The following NPAS3 variants were observed in gnomAD, a reference collection of about 807,000 sequenced individuals.
The protein encoded by NPAS3 is neuronal PAS domain protein 3, also known as neuronal PAS domain-containing protein 3.
A neutral mutation model predicts 73.1 loss-of-function variants in NPAS3; 14 were observed. That is an observed-to-expected ratio of 0.19 (90% confidence interval 0.13 to 0.30). The LOEUF is 0.30. Among genes scored for constraint, NPAS3 ranks in the 10% least tolerant of loss-of-function variants. The probability of loss-of-function intolerance (pLI) is 1.00; values close to 1 mark genes in which losing one functional copy is unlikely to be tolerated. For synonymous variants in NPAS3, 620 were observed against 541.5 expected, an observed-to-expected ratio of 1.14 and a Z score of -2.01; for missense variants, 1,096 against 1,250.0, an observed-to-expected ratio of 0.88 and a Z score of 1.86.
chr14:33,342,371 G>A (rs559792717), intron 3 of NPAS3, among the ~76,000 whole-genome samples: 2 of 152,330 alleles, frequency 1.3e-5, no homozygotes, highest in Admixed American at 1.3e-4. Context: ...TACATCGGTG[G>A]CCACAGAATG....
At chr14:33,254,381 C>T (rs1471994668) in intron 3 of NPAS3, among the ~76,000 whole-genome samples, 1 of 152,072 alleles carries the variant, frequency 6.6e-6, no homozygotes, top group African/African-American at 2.4e-5. Context: ...CTTGGGTTTC[C>T]AGTGTCCACT....
At chr14:33,658,394 GTCTGTT>G (rs1404631325) in intron 5 of NPAS3, among the ~76,000 whole-genome samples, 12 of 152,152 alleles carry the variant, frequency 7.9e-5, no homozygotes, top group African/African-American at 2.9e-4. Context: ...AACTTAGTTG[GTCTGTT>G]TCTATCTTTT....
At chr14:33,630,434 C>G (rs1211631232) in intron 5 of NPAS3, among the ~76,000 whole-genome samples, 1 of 152,158 alleles carries the variant, frequency 6.6e-6, no homozygotes, top group African/African-American at 2.4e-5. Context: ...TTAATTATCC[C>G]ACTGAGATGT....
rs372036692 is a variant in NPAS3, at chr14:33,249,246, G to A, written c.385+33820G>A. ...TTACTTTTTGCCTTTTTTCCAAAGC[G>A]AAGTCAATAGTCAAAATTATTTCAA... On this transcript the variant is annotated intron_variant, in intron 3 of 11. Transcript: ENST00000356141. Among the ~76,000 whole-genome samples the A allele has an allele frequency of 5.9e-5, 9 of 152,156 alleles. 1 individual carries two copies. Among genetic ancestry groups the A allele is most frequent in the Middle Eastern group, 3.4e-3 (1 of 294 alleles).
At chr14:33,408,517 C>T (rs2047769293) in intron 4 of NPAS3, among the ~76,000 whole-genome samples, 1 of 152,106 alleles carries the variant, frequency 6.6e-6, no homozygotes, top group South Asian at 2.1e-4. Context: ...ATCTGGAGGC[C>T]ATTGGCCACC....
chr14:33,229,000 A>G (rs2047742362), intron 3 of NPAS3, among the ~76,000 whole-genome samples: 1 of 152,148 alleles, frequency 6.6e-6, no homozygotes, highest in Non-Finnish European at 1.5e-5. Context: ...GTGTTGGGGA[A>G]TTTATTATGC....
At position 33,800,073 on chromosome 14, in the gene NPAS3, C is replaced by A. The variant is rs770665316; in HGVS notation, c.1766C>A (p.Ala589Glu). 1.3e-6 allele frequency: 2 copies of A among 1,599,076 alleles called. No homozygotes were observed. Among genetic ancestry groups the A allele is most frequent in the East Asian group, 2.2e-5 (1 of 44,554 alleles). Residue 589 changes from alanine to glutamate, a missense_variant, in exon 12 of 12, where the codon GCG becomes GAG. By Grantham distance (107) the Ala-to-Glu change is moderately radical. Transcript: ENST00000356141. The surrounding 1 kb of genome is among the most constrained non-coding windows in gnomAD (Gnocchi z 6.5). ...AAGGACTCGGACAGCGCAGGCGAGGCGGGCGCGCAGGCCTCCAGCAAGCAC... is the reference window on the plus strand; with the variant it reads ...AAGGACTCGGACAGCGCAGGCGAGGAGGGCGCGCAGGCCTCCAGCAAGCAC...
rs1403879984 is a variant in NPAS3, at chr14:33,598,930, T to G, written c.558+38720T>G. Among the ~76,000 whole-genome samples, 3 of 152,238 alleles carry G rather than the reference T, an allele frequency of 2.0e-5. No homozygotes were observed. The East Asian group carries it at 5.8e-4, about 29-fold the overall frequency. The stretch of plus-strand genomic sequence containing the variant: ...AACATTTTATAGTTTGGCTTTAAAA[T>G]AAAGGCTATTTTATATACACTGCAA... On this transcript the variant is annotated intron_variant, in intron 5 of 11. Transcript: ENST00000356141.
chr14:33,761,834 A>G (rs941222126), intron 7 of NPAS3, among the ~76,000 whole-genome samples: 1 of 152,224 alleles, frequency 6.6e-6, no homozygotes, highest in African/African-American at 2.4e-5. Context: ...TTCATTCCAC[A>G]TAGAAGATCC....
intron 1 of NPAS3, among the ~76,000 whole-genome samples, chr14:33,027,467 G>C (rs2039847537): frequency 6.6e-6 from 1 of 151,878 alleles, no homozygotes; most frequent in Non-Finnish European, 1.5e-5. Context: ...TTTTTTAAAG[G>C]TTCATTTACT....
At chr14:33,055,202 G>A (rs996472064) in intron 1 of NPAS3, among the ~76,000 whole-genome samples, 32 of 152,224 alleles carry the variant, frequency 2.1e-4, no homozygotes, top group African/African-American at 7.2e-4. Context: ...TCTATATAAT[G>A]CAAGGAGTCT....
intron 3 of NPAS3, among the ~76,000 whole-genome samples, chr14:33,340,261 G>A (rs1219281305): frequency 1.3e-5 from 2 of 152,198 alleles, no homozygotes; most frequent in Non-Finnish European, 2.9e-5. Context: ...TCGGGAGGCC[G>A]AGGCAGGTGG....
At chr14:33,462,506 C>T (rs894980591) in intron 4 of NPAS3, among the ~76,000 whole-genome samples, 3 of 152,136 alleles carry the variant, frequency 2.0e-5, no homozygotes, top group African/African-American at 4.8e-5. Flanking sequence ...ATGACATAGA[C>T]GGCGACTGTT....
intron 7 of NPAS3, among the ~76,000 whole-genome samples, chr14:33,742,760 T>C (rs554051655): frequency 6.6e-6 from 1 of 152,372 alleles, no homozygotes; most frequent in South Asian, 2.1e-4. Flanking sequence ...AGTAGAACTT[T>C]CAAAACTGAA....
intron 1 of NPAS3, among the ~76,000 whole-genome samples, chr14:33,049,038 G>A (rs2138475260): frequency 6.6e-6 from 1 of 152,270 alleles, no homozygotes; most frequent in Middle Eastern, 3.4e-3. Context: ...CTGTGATTAG[G>A]AGCTTTCTAT....
At chr14:32,953,333 T>G (rs929232541) in intron 1 of NPAS3, among the ~76,000 whole-genome samples, 1 of 152,076 alleles carries the variant, frequency 6.6e-6, no homozygotes, top group Non-Finnish European at 1.5e-5. Context: ...ATTTACTAAG[T>G]GTTGTTTCAA....
At chr14:33,167,091 A>G (rs2045188906) in intron 2 of NPAS3, among the ~76,000 whole-genome samples, 1 of 151,692 alleles carries the variant, frequency 6.6e-6, no homozygotes, top group South Asian at 2.1e-4. Flanking sequence ...AGCCTCTTAG[A>G]AGAATAGAAT....
intron 2 of NPAS3, among the ~76,000 whole-genome samples, chr14:33,144,126 G>A (rs1201215987): frequency 6.6e-6 from 1 of 152,078 alleles, no homozygotes; most frequent in African/African-American, 2.4e-5. Context: ...AGTTTTTGAG[G>A]AACAGCCAAA....
At chr14:33,061,456 G>A (rs754798700) in intron 2 of NPAS3, among the ~76,000 whole-genome samples, 17 of 152,166 alleles carry the variant, frequency 1.1e-4, no homozygotes, top group African/African-American at 2.9e-4. Flanking sequence ...CAAGCCTTTC[G>A]ATATCCAAAT....
Sources: gnomAD v4.1 joint callset for allele counts (sites outside exome capture counted in the v4.1 genomes callset) on GRCh38, gnomAD v4.1.1 for gene constraint, Gnocchi (gnomAD v3.1) non-coding constraint, MANE v1.5 for transcripts, NCBI Gene and HGNC (gene_info 2026-07-23, HGNC 2026-07-21) for gene names.